The following COLEC10 variants were observed in gnomAD, a reference collection of about 807,000 sequenced individuals.
The protein encoded by COLEC10 is collectin subfamily member 10, also known as collectin-10.
Under a neutral mutation model 28.4 loss-of-function variants are expected in COLEC10, and 22 were observed. The observed-to-expected ratio is 0.78, with a 90% CI of 0.55 to 1.11. The LOEUF (loss-of-function observed/expected upper bound fraction) is 1.11. COLEC10 is among the 50% of genes least tolerant of loss of function. The pLI, the probability that COLEC10 is intolerant of heterozygous loss-of-function variation, is 0.00. For missense variants in COLEC10, 361 were observed against 344.1 expected, an observed-to-expected ratio of 1.05 and a Z score of -0.39; for synonymous variants, 125 against 116.1, an observed-to-expected ratio of 1.08 and a Z score of -0.49.
intron 1 of COLEC10, among the ~76,000 whole-genome samples, chr8:119,076,723 C>G (rs570513559): frequency 6.6e-6 from 1 of 152,310 alleles, no homozygotes; most frequent in East Asian, 1.9e-4. Context: ...GTGGTTCTGC[C>G]TGGCCTGAAA....
At chr8:118,964,398 C>T in the COLEC10 span, among the ~76,000 whole-genome samples, 1 of 152,140 alleles carries the variant, frequency 6.6e-6, no homozygotes, top group East Asian at 1.9e-4. Flanking sequence ...TTTGCCCCTC[C>T]TTTACAAATT....
intron 2 of COLEC10, among the ~76,000 whole-genome samples, chr8:119,053,686 T>TA (rs143462408): frequency 1.3e-5 from 2 of 149,942 alleles, no homozygotes; most frequent in East Asian, 2.0e-4. Flanking sequence ...AAAAAAAAGG[T>TA]GGGGGGGGCT....
At chr8:119,082,362 T>C (rs1815387004) in intron 1 of COLEC10, among the ~76,000 whole-genome samples, 1 of 152,224 alleles carries the variant, frequency 6.6e-6, no homozygotes, top group Non-Finnish European at 1.5e-5. Flanking sequence ...TTTGACTGTA[T>C]TGTCATTAAG....
At chr8:119,063,471 T>C (rs1177578682), upstream of COLEC10, among the ~76,000 whole-genome samples, 2 of 152,224 alleles carry the variant, frequency 1.3e-5, no homozygotes, top group East Asian at 3.9e-4. Context: ...CTTTAGTTTC[T>C]TGTTGCGTAA....
chr8:119,096,867 A>G (rs972131831), intron 3 of COLEC10, among the ~76,000 whole-genome samples: 38 of 152,222 alleles, frequency 2.5e-4, no homozygotes, highest in African/African-American at 8.9e-4. Context: ...AATAAAAATG[A>G]CTGACAATAT....
chr8:119,002,597 C>T (rs1905783), intron 1 of COLEC10, among the ~76,000 whole-genome samples: 88,672 of 151,836 alleles, frequency 0.58, 26,576 homozygotes, highest in African/African-American at 0.72. Context: ...ATAATCTAGG[C>T]CAAATTTTCT....
At chr8:119,049,821 A>G (rs571091551) in intron 2 of COLEC10, among the ~76,000 whole-genome samples, 2 of 152,346 alleles carry the variant, frequency 1.3e-5, no homozygotes, top group Admixed American at 1.3e-4. Context: ...TATAAATCAT[A>G]CTATAACTTC....
At chr8:119,056,046 G>A (rs1287005477) in intron 2 of COLEC10, among the ~76,000 whole-genome samples, 1 of 151,992 alleles carries the variant, frequency 6.6e-6, no homozygotes, top group Non-Finnish European at 1.5e-5. Context: ...TTCAGTAAAT[G>A]ACACCGCATC....
chr8:118,981,495 T>G, the COLEC10 span, among the ~76,000 whole-genome samples: 2 of 152,154 alleles, frequency 1.3e-5, no homozygotes. Context: ...ATAAAATGTA[T>G]ATTTTATCCT....
At chr8:119,062,016 C>A (rs1258470558) in intron 2 of COLEC10, among the ~76,000 whole-genome samples, 1 of 151,922 alleles carries the variant, frequency 6.6e-6, no homozygotes, top group Non-Finnish European at 1.5e-5. Flanking sequence ...TGCAAAAAAA[C>A]CAACACCACA....
chr8:119,034,666 G>A lies in COLEC10; in HGVS notation n.235+25113G>A, dbSNP rs966458663. On this transcript the variant is annotated intron_variant and non_coding_transcript_variant, in intron 2 of 6. Coordinates refer to the COLEC10 transcript ENST00000521788. The stretch of plus-strand genomic sequence containing the variant: ...GGAGGTTGCAGTGAGCCAAGACCGC[G>A]CCACTGCACTCCAGCCTGGGTGACA... Among the ~76,000 whole-genome samples, 12 of 152,060 alleles carry A rather than the reference G, an allele frequency of 7.9e-5. No individual in the cohort carries two copies. In the East Asian group the frequency reaches 9.6e-4, roughly 12 times the overall value.
chr8:119,046,696 T>C (rs1049209080), intron 2 of COLEC10, among the ~76,000 whole-genome samples: 1 of 151,562 alleles, frequency 6.6e-6, no homozygotes, highest in Non-Finnish European at 1.5e-5. Context: ...CTTCCAAATG[T>C]GAAAAAAATA....
At chr8:119,076,446 A>G (rs7017788) in intron 1 of COLEC10, among the ~76,000 whole-genome samples, 29,952 of 151,720 alleles carry the variant, frequency 0.2, 3,921 homozygotes, top group African/African-American at 0.37. Flanking sequence ...TATTTTTAGT[A>G]GAGATGGGGT....
intron 1 of COLEC10, among the ~76,000 whole-genome samples, chr8:119,004,476 T>C (rs1813753356): frequency 6.6e-6 from 1 of 151,656 alleles, no homozygotes; most frequent in African/African-American, 2.4e-5. Flanking sequence ...CTATATGCTA[T>C]TAATTCTCAT....
chr8:118,954,115 T>A, the COLEC10 span, among the ~76,000 whole-genome samples: 1 of 152,244 alleles, frequency 6.6e-6, no homozygotes. Flanking sequence ...TGGTATTCGC[T>A]GAAGCTTTTA....
chr8:118,967,652 C>A, the COLEC10 span, among the ~76,000 whole-genome samples: 499 of 152,014 alleles, frequency 3.3e-3, 6 homozygotes, highest in African/African-American at 0.011. Flanking sequence ...TGCTCAGAGG[C>A]TCAGATTGGA....
intron 2 of COLEC10, among the ~76,000 whole-genome samples, chr8:119,048,338 G>A (rs1814619147): frequency 6.6e-6 from 1 of 152,162 alleles, no homozygotes; most frequent in Non-Finnish European, 1.5e-5. Flanking sequence ...CTTTTTTACA[G>A]AGTGTTCTGT....
At chr8:119,020,437 G>T (rs1232109011) in intron 2 of COLEC10, among the ~76,000 whole-genome samples, 3 of 152,046 alleles carry the variant, frequency 2.0e-5, no homozygotes, top group Non-Finnish European at 4.4e-5. Flanking sequence ...CTAAAGAATT[G>T]GTTTCCAGGT....
the COLEC10 span, among the ~76,000 whole-genome samples, chr8:118,967,737 A>G: frequency 6.6e-6 from 1 of 152,110 alleles, no homozygotes; most frequent in Non-Finnish European, 1.5e-5. Context: ...TAGCTGGAAC[A>G]TTTAGAAACC....
Sources: gnomAD v4.1 joint callset for allele counts (sites outside exome capture counted in the v4.1 genomes callset) on GRCh38, gnomAD v4.1.1 for gene constraint, MANE v1.5 for transcripts, NCBI Gene and HGNC (gene_info 2026-07-23, HGNC 2026-07-21) for gene names.